The following DACH2 variants were observed in gnomAD, a reference collection of about 807,000 sequenced individuals.
The protein encoded by DACH2 is dachshund homolog 2.
DACH2 carries 17 observed loss-of-function variants against 35.8 expected under a neutral mutation model. The ratio of observed to expected loss-of-function variants is 0.48; its 90% CI spans 0.33 to 0.71. The LOEUF (loss-of-function observed/expected upper bound fraction) is 0.71. Among genes scored for constraint, DACH2 ranks in the 30% least tolerant of loss-of-function variants. DACH2 has a pLI of 0.02. For synonymous variants in DACH2, 195 were observed against 177.3 expected (o/e 1.10, Z -0.79); for missense variants, 469 against 472.7 (o/e 0.99, Z 0.07).
intron 3 of DACH2, among the ~76,000 whole-genome samples, chrX:86,546,222 T>TC (rs1467362773): frequency 1.8e-5 from 2 of 111,471 alleles, no homozygotes; most frequent in African/African-American, 3.3e-5. Flanking sequence ...CCACCAAAAT[T>TC]CCACCAGCAG....
intron 1 of DACH2, among the ~76,000 whole-genome samples, chrX:86,359,084 C>CGTGTGTGTGTGTGTGT (rs1556037574): frequency 1.0e-4 from 10 of 98,516 alleles, no homozygotes; most frequent in African/African-American, 3.7e-4. Context: ...TATATTTTGT[C>CGTGTGTGTGTGTGTGT]GTGTGTGTGT....
At chrX:86,170,180 C>A (rs2031078131) in intron 1 of DACH2, among the ~76,000 whole-genome samples, 1 of 109,435 alleles carries the variant, frequency 9.1e-6, no homozygotes, top group South Asian at 3.8e-4. Context: ...TACTTTTTCC[C>A]AAACAAAAAG....
intron 1 of DACH2, among the ~76,000 whole-genome samples, chrX:86,184,996 T>G (rs1282526619): frequency 8.9e-6 from 1 of 111,982 alleles, no homozygotes; most frequent in Admixed American, 9.5e-5. Flanking sequence ...GCTTATCTTC[T>G]CTGAGAATTG....
chrX:86,701,455 C>T (rs1330377437), intron 5 of DACH2, among the ~76,000 whole-genome samples: 2 of 111,604 alleles, frequency 1.8e-5, no homozygotes, highest in African/African-American at 6.5e-5. Flanking sequence ...CAGCACAAGG[C>T]AAGGATGCCT....
At chrX:86,312,613 T>C (rs2034823896) in intron 1 of DACH2, among the ~76,000 whole-genome samples, 1 of 111,795 alleles carries the variant, frequency 8.9e-6, no homozygotes, top group African/African-American at 3.3e-5. Flanking sequence ...CAGAATCTAA[T>C]CATCTGCCAG....
At chrX:86,504,526 G>T (rs1183496965) in intron 2 of DACH2, among the ~76,000 whole-genome samples, 3 of 107,464 alleles carry the variant, frequency 2.8e-5, no homozygotes, top group Non-Finnish European at 5.8e-5. Context: ...TAAAATTTCC[G>T]TAAAATACAC....
At chrX:86,613,262 A>G (rs146331783) in intron 3 of DACH2, among the ~76,000 whole-genome samples, 3,609 of 111,065 alleles carry the variant, frequency 0.032, 170 homozygotes, top group African/African-American at 0.11. Flanking sequence ...TGTCTCTTAG[A>G]TGGAAGGTCT....
At chrX:86,731,975 T>C (rs1355881205) in intron 6 of DACH2, among the ~76,000 whole-genome samples, 2 of 112,499 alleles carry the variant, frequency 1.8e-5, no homozygotes, top group Non-Finnish European at 3.8e-5. Context: ...GTGGGTATTT[T>C]AACTTAAATA....
intron 2 of DACH2, among the ~76,000 whole-genome samples, chrX:86,482,997 G>T (rs1298029739): frequency 9.5e-6 from 1 of 104,880 alleles, no homozygotes; most frequent in Non-Finnish European, 2.0e-5. Context: ...TTGTGGGGTG[G>T]GGGGGAGGGA....
At chrX:86,552,849 C>T (rs771521482) in intron 3 of DACH2, among the ~76,000 whole-genome samples, 2 of 110,429 alleles carry the variant, frequency 1.8e-5, no homozygotes, top group South Asian at 7.7e-4. Context: ...AAAAAATGTT[C>T]CCAATATAGT....
intron 1 of DACH2, among the ~76,000 whole-genome samples, chrX:86,252,270 G>T (rs1477253317): frequency 9.1e-6 from 1 of 110,462 alleles, no homozygotes; most frequent in African/African-American, 3.3e-5. Flanking sequence ...AGATTGTGAA[G>T]ATTTTCTCCC....
chrX:86,487,391 G>C (rs2038033428), intron 2 of DACH2, among the ~76,000 whole-genome samples: 1 of 111,889 alleles, frequency 8.9e-6, no homozygotes, highest in African/African-American at 3.2e-5. Flanking sequence ...TTCCAGGAAC[G>C]GTGGTAGGCT....
intron 5 of DACH2, among the ~76,000 whole-genome samples, chrX:86,706,104 G>C (rs1462822257): frequency 9.1e-6 from 1 of 110,458 alleles, no homozygotes; most frequent in African/African-American, 3.3e-5. Flanking sequence ...GGAGGAGTGT[G>C]GCGGGGTGGG....
At chrX:86,657,580 T>A (rs754058517) in intron 4 of DACH2, among the ~76,000 whole-genome samples, 1 of 111,583 alleles carries the variant, frequency 9.0e-6, no homozygotes, top group African/African-American at 3.2e-5. Flanking sequence ...TATAAATGAA[T>A]GGTCTCTCTT....
Position 86,415,394 on chromosome X carries a change from T to A in DACH2, c.527+38532T>A, listed in dbSNP as rs1318289891. Among the ~76,000 whole-genome samples, 5 of 112,125 alleles carry A rather than the reference T, an allele frequency of 4.5e-5. No homozygotes were observed. In the Admixed American group the frequency reaches 4.7e-4, roughly 11 times the overall value. On this transcript the variant is annotated intron_variant, in intron 2 of 11. Coordinates refer to ENST00000373125, the MANE Select transcript of DACH2 (RefSeq NM_053281.3). ...AGCAAGCCAGTTACATTTGTCTTCA[T>A]TTTGCCTAATTCCAAATCATCTTTT...
At chrX:86,153,139 G>A (rs1003554406) in intron 1 of DACH2, among the ~76,000 whole-genome samples, 10 of 110,886 alleles carry the variant, frequency 9.0e-5, no homozygotes, top group Non-Finnish European at 1.7e-4. Flanking sequence ...AATGTTATTC[G>A]GTCATTTAGA....
intron 1 of DACH2, among the ~76,000 whole-genome samples, chrX:86,356,553 T>C (rs1370624956): frequency 9.0e-6 from 1 of 111,714 alleles, no homozygotes; most frequent in Non-Finnish European, 1.9e-5. Context: ...AGAAGAATTG[T>C]TTCTAATTCT....
rs751258322 is a variant in DACH2 at position 86,549,682 on chromosome X, A to G, written c.640+35291A>G. Among the ~76,000 whole-genome samples, 15 of 111,304 alleles carry G rather than the reference A, an allele frequency of 1.3e-4. No homozygotes were observed. The East Asian group carries it at 4.2e-3, about 31-fold the overall frequency. ...GTACCTGGAAAATCACTAAAAGTAT[A>G]GTGAAAATGTAGTCAAAATTAAAAC... On this transcript the variant is annotated intron_variant, in intron 3 of 11. Transcript: ENST00000373125.
At chrX:86,467,722 G>A (rs183943374) in intron 2 of DACH2, among the ~76,000 whole-genome samples, 1 of 111,736 alleles carries the variant, frequency 8.9e-6, no homozygotes, top group African/African-American at 3.2e-5. Context: ...AAGGAAAGCG[G>A]TTTAATTGAC....
Sources: gnomAD v4.1 joint callset for allele counts (sites outside exome capture counted in the v4.1 genomes callset) on GRCh38, gnomAD v4.1.1 for gene constraint, MANE v1.5 for transcripts, NCBI Gene and HGNC (gene_info 2026-07-23, HGNC 2026-07-21) for gene names.